The following PALLD variants were observed in gnomAD, a reference collection of about 807,000 sequenced individuals.
PALLD encodes the protein palladin, cytoskeletal associated protein.
In PALLD, 61 loss-of-function variants were observed where a neutral mutation model predicts 123.5. That is an observed-to-expected ratio of 0.49 (90% CI 0.40 to 0.61). The LOEUF is 0.61. PALLD is among the 20% of genes least tolerant of loss of function. The probability of loss-of-function intolerance (pLI) is 0.00; values close to 1 mark genes in which losing one functional copy is unlikely to be tolerated. For missense variants in PALLD, 1,273 were observed against 1,377.0 expected (o/e 0.92, Z 1.20); for synonymous variants, 465 against 496.4 (o/e 0.94, Z 0.84).
At chr4:168,658,000 G>A (rs75385712) in intron 2 of PALLD, among the ~76,000 whole-genome samples, 2,697 of 151,930 alleles carry the variant, frequency 0.018, 81 homozygotes, top group African/African-American at 0.061. Context: ...TCTTTCTTTC[G>A]CCTATTAAAC....
chr4:168,774,667 G>T lies in PALLD; in HGVS notation c.1964+62744G>T, dbSNP rs529888598. ...TGCGTGAACCTGGGAGGTGGAGGTT[G>T]CAGTGAGCCGAGATCATGCCACTGC... On this transcript the variant is annotated intron_variant, in intron 10 of 21. Transcript: ENST00000505667. Among the ~76,000 whole-genome samples the T allele has an allele frequency of 1.4e-4, 20 of 143,150 alleles. No homozygotes were observed. The East Asian group carries it at 3.9e-3, about 28-fold the overall frequency. The allele number at this position is 143,150 out of a possible 152,430, so 93.9% of individuals were successfully genotyped here.
chr4:168,506,103 A>G (rs1259630931), intron 1 of PALLD: 3 of 152,140 alleles, frequency 2.0e-5, no homozygotes, highest in Non-Finnish European at 4.4e-5. Flanking sequence ...GGGATCATCT[A>G]TCTCTGTACC....
chr4:168,746,144 A>G (rs992360787), intron 10 of PALLD, among the ~76,000 whole-genome samples: 3 of 151,936 alleles, frequency 2.0e-5, no homozygotes, highest in African/African-American at 4.8e-5. Context: ...GTTCAACATC[A>G]TTTCCTTTTT....
rs1040944339 is a variant in PALLD, at chr4:168,523,038, C to G, written c.908+10626C>G. 3.3e-5 allele frequency among the ~76,000 whole-genome samples: 5 copies of G among 152,184 alleles called. No individual in the cohort carries two copies. In the East Asian group the frequency reaches 9.6e-4, roughly 29 times the overall value. On this transcript the variant is annotated intron_variant, in intron 2 of 21. Coordinates refer to ENST00000505667, the MANE Select transcript of PALLD (RefSeq NM_001166108.2). ...AGCTTCCAGTCACTGTTTATATGATCCACATGTTGTGGTCCAAAAAATGTA... is the reference window on the plus strand; with the variant it reads ...AGCTTCCAGTCACTGTTTATATGATGCACATGTTGTGGTCCAAAAAATGTA...
chr4:168,890,155 A>G (rs879278803), intron 10 of PALLD, among the ~76,000 whole-genome samples: 2 of 152,180 alleles, frequency 1.3e-5, no homozygotes, highest in African/African-American at 4.8e-5. Flanking sequence ...GTACCCCTCA[A>G]GCATCCAGCA....
At chr4:168,683,870 G>A (rs1428726538) in intron 5 of PALLD, among the ~76,000 whole-genome samples, 1 of 151,906 alleles carries the variant, frequency 6.6e-6, no homozygotes, top group East Asian at 1.9e-4. Context: ...ATGCTCAGGG[G>A]TGTTTCAGCC....
rs375246198 is a variant in PALLD, at chr4:168,511,853, G to T, written c.349G>T (p.Val117Phe). ...EKQTKSISSP[V>F]SKRKPAMSPL... ...ACAAACTAAGAGTATCTCTTCACCT[G>T]TTTCAAAGAGGAAACCTGCCATGTC... The change falls in exon 2 of 22, where the codon GTT becomes TTT. Residue 117 changes from valine (V) to phenylalanine (F), a missense_variant. Physicochemically the swap from Val to Phe is conservative, Grantham distance 50. Around this residue, in one of 2 missense-constraint regions of PALLD, gnomAD observed 944 missense variants for 954.5 expected, o/e 0.99. Coordinates refer to ENST00000505667, the MANE Select transcript of PALLD (RefSeq NM_001166108.2). 51 of 1,614,068 alleles carry T rather than the reference G, an allele frequency of 3.2e-5. No individual in the cohort carries two copies. In the African/African-American group the frequency reaches 5.2e-4, roughly 16 times the overall value.
chr4:168,899,363 A>G (rs1369887835), intron 14 of PALLD, among the ~76,000 whole-genome samples: 2 of 152,188 alleles, frequency 1.3e-5, no homozygotes, highest in Non-Finnish European at 2.9e-5. Context: ...AGTAAACAGG[A>G]GTACACTTTT....
intron 2 of PALLD, among the ~76,000 whole-genome samples, chr4:168,554,918 T>C (rs949062355): frequency 8.8e-4 from 134 of 152,286 alleles, no homozygotes; most frequent in African/African-American, 3.1e-3. Context: ...TTCATATTTA[T>C]ACCAAGATAC....
intron 2 of PALLD, among the ~76,000 whole-genome samples, chr4:168,541,947 C>T (rs974095823): frequency 6.6e-6 from 1 of 152,138 alleles, no homozygotes; most frequent in African/African-American, 2.4e-5. Flanking sequence ...GACAAAAATG[C>T]CTGCCTTTTG....
chr4:168,748,841 G>A (rs1354547200), intron 10 of PALLD, among the ~76,000 whole-genome samples: 1 of 152,220 alleles, frequency 6.6e-6, no homozygotes, highest in Non-Finnish European at 1.5e-5. Flanking sequence ...GCAGTTCACA[G>A]TGTGGCAATT....
At chr4:168,499,180 CA>C (rs1157137965) in intron 1 of PALLD, among the ~76,000 whole-genome samples, 246 of 16,376 alleles carry the variant, frequency 0.015, no homozygotes, top group East Asian at 0.053. Context: ...CCCTTTGTAG[CA>C]AAAAAAAAAA....
chr4:168,591,204 A>G (rs1378990703), intron 2 of PALLD, among the ~76,000 whole-genome samples: 1 of 152,094 alleles, frequency 6.6e-6, no homozygotes, highest in African/African-American at 2.4e-5. Flanking sequence ...CTATCATATC[A>G]TTCTGTAAGA....
intron 10 of PALLD, among the ~76,000 whole-genome samples, chr4:168,731,568 GTTA>G (rs1787174891): frequency 6.6e-6 from 1 of 152,172 alleles, no homozygotes; most frequent in South Asian, 2.1e-4. Flanking sequence ...CTTTGTTTTT[GTTA>G]TTATTAAGAC....
intron 2 of PALLD, among the ~76,000 whole-genome samples, chr4:168,555,160 A>C (rs937786731): frequency 6.6e-6 from 1 of 152,182 alleles, no homozygotes; most frequent in Admixed American, 6.5e-5. Flanking sequence ...GATTTATACG[A>C]ATATTAAGGA....
At chr4:168,572,899 C>T (rs942095572) in intron 2 of PALLD, among the ~76,000 whole-genome samples, 1 of 149,904 alleles carries the variant, frequency 6.7e-6, no homozygotes, top group Non-Finnish European at 1.5e-5. Flanking sequence ...AGCCTGCCAA[C>T]AACCCACCAG....
At chr4:168,658,336 G>A (rs544647098) in intron 2 of PALLD, among the ~76,000 whole-genome samples, 3 of 138,722 alleles carry the variant, frequency 2.2e-5, no homozygotes, top group Admixed American at 1.5e-4. Context: ...TCAGGCTAGA[G>A]TGCAGTGGCA....
intron 10 of PALLD, among the ~76,000 whole-genome samples, chr4:168,768,106 A>G (rs1733924385): frequency 6.6e-6 from 1 of 151,992 alleles, no homozygotes; most frequent in East Asian, 1.9e-4. Flanking sequence ...AGTTTACCCG[A>G]CTTCCTCTCC....
rs532184027 is a variant in PALLD at position 168,680,004 on chromosome 4, G to A, written c.1088-1328G>A. On this transcript the variant is annotated intron_variant, in intron 3 of 21. Transcript: ENST00000505667. ...TGTTTTCAATGTCAATAAAAGACTG[G>A]AAAACATATCACAGTAGAGTCACTG... is the stretch of plus-strand genomic sequence containing the variant. Among the ~76,000 whole-genome samples, 163 of 152,132 alleles carry A rather than the reference G, an allele frequency of 1.1e-3. 1 individual carries two copies. Among genetic ancestry groups the A allele is most frequent in the African/African-American group, 3.7e-3 (154 of 41,474 alleles).
Sources: gnomAD v4.1 joint callset for allele counts (sites outside exome capture counted in the v4.1 genomes callset) on GRCh38, gnomAD v4.1.1 for gene constraint, gnomAD v4.1.1 regional missense constraint, MANE v1.5 for transcripts, NCBI Gene and HGNC (gene_info 2026-07-23, HGNC 2026-07-21) for gene names.